The following TBC1D5 variants were observed in gnomAD, a reference collection of about 807,000 sequenced individuals.
TBC1D5 encodes the protein TBC1 domain family, member 5.
Under a neutral mutation model 100.3 loss-of-function variants are expected in TBC1D5, and 75 were observed. The observed-to-expected ratio is 0.75, with a 90% confidence interval of 0.62 to 0.91. The LOEUF is 0.91. TBC1D5 is among the 40% of genes least tolerant of loss of function. TBC1D5 has a pLI of 0.00. For synonymous variants in TBC1D5, 323 were observed against 325.6 expected (o/e 0.99, Z 0.09); for missense variants, 910 against 942.4 (o/e 0.97, Z 0.45).
At chr3:17,289,677 G>A (rs982575484) in intron 15 of TBC1D5, among the ~76,000 whole-genome samples, 2 of 151,094 alleles carry the variant, frequency 1.3e-5, no homozygotes, top group Non-Finnish European at 2.9e-5. Context: ...AGGATGTTCT[G>A]CTTACACAGG....
At chr3:17,625,633 T>C (rs2062987987) in intron 1 of TBC1D5, among the ~76,000 whole-genome samples, 1 of 152,114 alleles carries the variant, frequency 6.6e-6, no homozygotes, top group Admixed American at 6.5e-5. Flanking sequence ...TGTTTTTATA[T>C]TTGCAAATAC....
At chr3:17,667,115 T>C (rs965410384) in intron 1 of TBC1D5, among the ~76,000 whole-genome samples, 3 of 152,216 alleles carry the variant, frequency 2.0e-5, no homozygotes, top group African/African-American at 7.2e-5. Context: ...AGCTGCTGGA[T>C]GAAAAGCTTT....
intron 15 of TBC1D5, among the ~76,000 whole-genome samples, chr3:17,284,290 G>A (rs868122639): frequency 6.6e-6 from 1 of 151,994 alleles, no homozygotes; most frequent in Non-Finnish European, 1.5e-5. Context: ...GCTAATTTTT[G>A]TATTTTTAAT....
intron 3 of TBC1D5, among the ~76,000 whole-genome samples, chr3:17,453,842 A>C (rs1227874255): frequency 6.6e-6 from 1 of 152,246 alleles, no homozygotes; most frequent in Non-Finnish European, 1.5e-5. Flanking sequence ...TTTCTGATGA[A>C]TAATGATGCA....
intron 1 of TBC1D5, among the ~76,000 whole-genome samples, chr3:17,692,491 G>GA (rs1176556576): frequency 1.3e-5 from 2 of 151,990 alleles, no homozygotes; most frequent in Non-Finnish European, 2.9e-5. Flanking sequence ...CAAAGACACA[G>GA]AAAAAAACTA....
chr3:17,627,755 C>A (rs1218096135), intron 1 of TBC1D5, among the ~76,000 whole-genome samples: 1 of 151,154 alleles, frequency 6.6e-6, no homozygotes, highest in Non-Finnish European at 1.5e-5. Context: ...AACTTTTAAA[C>A]ATATAATTTC....
chr3:17,189,792 A>G (rs755539726), intron 18 of TBC1D5, among the ~76,000 whole-genome samples: 15 of 152,122 alleles, frequency 9.9e-5, no homozygotes, highest in Non-Finnish European at 1.6e-4. Flanking sequence ...GAATAATCCC[A>G]TATTTCAGTT....
chr3:17,495,957 T>C (rs1181197334), intron 3 of TBC1D5, among the ~76,000 whole-genome samples: 1 of 152,224 alleles, frequency 6.6e-6, no homozygotes, highest in African/African-American at 2.4e-5. Context: ...AAGTTCTCAA[T>C]ACTATTCAGG....
At chr3:17,186,006 T>C (rs776295754) in intron 18 of TBC1D5, among the ~76,000 whole-genome samples, 1 of 151,214 alleles carries the variant, frequency 6.6e-6, no homozygotes, top group Non-Finnish European at 1.5e-5. Context: ...GCAAAAAGTT[T>C]CCCAAGGAAA....
At chr3:17,358,600 G>A (rs2091433380) in intron 13 of TBC1D5, among the ~76,000 whole-genome samples, 1 of 152,040 alleles carries the variant, frequency 6.6e-6, no homozygotes, top group Non-Finnish European at 1.5e-5. Context: ...CAATCTCTCA[G>A]CTTACAACTC....
chr3:17,253,462 ATCTTTT>A (rs984212478), intron 16 of TBC1D5, among the ~76,000 whole-genome samples: 16 of 152,220 alleles, frequency 1.1e-4, no homozygotes, highest in African/African-American at 3.6e-4. Flanking sequence ...GAGCAAATAC[ATCTTTT>A]TCTTTTTATA....
intron 2 of TBC1D5, among the ~76,000 whole-genome samples, chr3:17,514,857 C>T (rs1296757040): frequency 6.6e-6 from 1 of 152,020 alleles, no homozygotes; most frequent in African/African-American, 2.4e-5. Context: ...GGGGAATTAG[C>T]TTGGCCTAGT....
At chr3:17,722,613 C>T (rs1015797648) in intron 1 of TBC1D5, among the ~76,000 whole-genome samples, 27 of 152,236 alleles carry the variant, frequency 1.8e-4, no homozygotes, top group African/African-American at 6.3e-4. Context: ...GGAACCCACT[C>T]AGAGTCATAC....
chr3:17,735,715 G>C (rs992445320), intron 1 of TBC1D5, among the ~76,000 whole-genome samples: 2 of 152,238 alleles, frequency 1.3e-5, no homozygotes, highest in Admixed American at 6.5e-5. Flanking sequence ...TCTTTAGCCC[G>C]ATCAGGAGCA....
In TBC1D5 at chr3:17,401,287, ATATG is replaced by A. The variant is rs1387839835; in HGVS notation, c.509+1890_509+1893del. 8.1e-5 allele frequency among the ~76,000 whole-genome samples: 12 copies of A among 147,494 alleles called. 2 individuals carry two copies. The highest frequency in any genetic ancestry group is 2.0e-4 in the Admixed American group (3 of 14,650). On this transcript the variant is annotated intron_variant, in intron 8 of 21. Coordinates refer to ENST00000253692, the Ensembl canonical transcript of TBC1D5. ...ATATGTATGTGTATAATACACATAT[ATATG>A]TATGTGTATAATACACATATATATG...
intron 13 of TBC1D5, among the ~76,000 whole-genome samples, chr3:17,362,813 T>C (rs768721421): frequency 1.3e-5 from 2 of 152,176 alleles, no homozygotes; most frequent in Non-Finnish European, 2.9e-5. Flanking sequence ...GAGATAATTG[T>C]ACCTTCACAT....
At chr3:17,250,657 C>T (rs745734163) in intron 16 of TBC1D5, among the ~76,000 whole-genome samples, 4 of 152,216 alleles carry the variant, frequency 2.6e-5, no homozygotes, top group Non-Finnish European at 2.9e-5. Flanking sequence ...CAAGAATCCA[C>T]GTGGCACCCT....
At chr3:17,538,168 G>T (rs993951673) in intron 2 of TBC1D5, among the ~76,000 whole-genome samples, 1 of 152,102 alleles carries the variant, frequency 6.6e-6, no homozygotes, top group African/African-American at 2.4e-5. Flanking sequence ...CCCCAGGACT[G>T]TCAGGCGACC....
intron 9 of TBC1D5, among the ~76,000 whole-genome samples, chr3:17,380,043 G>GTA (rs140883743): frequency 2.7e-5 from 2 of 75,010 alleles, no homozygotes; most frequent in Non-Finnish European, 5.6e-5. Context: ...CTGTGACTGT[G>GTA]TATGTGTGTG....
Sources: gnomAD v4.1 joint callset for allele counts (sites outside exome capture counted in the v4.1 genomes callset) on GRCh38, gnomAD v4.1.1 for gene constraint, MANE v1.5 for transcripts, NCBI Gene and HGNC (gene_info 2026-07-23, HGNC 2026-07-21) for gene names.